ITPR2: variants seen among roughly 807,000 people sequenced by gnomAD.
The protein encoded by ITPR2 is inositol 1,4,5-trisphosphate-gated calcium channel ITPR2.
In ITPR2, 207 loss-of-function variants were observed where a neutral mutation model predicts 317.1. The ratio of observed to expected loss-of-function variants is 0.65; its 90% CI spans 0.58 to 0.73. The LOEUF (loss-of-function observed/expected upper bound fraction) is 0.73, where lower values mean the gene tolerates loss of function less well. ITPR2 is among the 30% of genes least tolerant of loss of function. ITPR2 has a pLI of 0.00. For synonymous variants in ITPR2, 1,156 were observed against 1,149.1 expected, an observed-to-expected ratio of 1.01 and a Z score of -0.12; for missense variants, 2,613 against 3,284.0, an observed-to-expected ratio of 0.80 and a Z score of 4.99.
At position 26,436,314 on chromosome 12, in the gene ITPR2, T is replaced by C; in HGVS notation, c.6676A>G (p.Ile2226Val). 6.2e-7 allele frequency: 1 copy of C among 1,612,624 alleles called. No homozygotes were observed. Among genetic ancestry groups the C allele is most frequent in the Non-Finnish European group, 8.5e-7 (1 of 1,179,326 alleles). The change falls in exon 48 of 57, where the codon ATC becomes GTC. Residue 2226 changes from isoleucine to valine, a missense_variant. This residue lies in a region of ITPR2 where 926 missense variants were observed against 1,072.8 expected (regional missense o/e 0.86). Transcript: ENST00000381340. The part of the protein sequence containing the change: ...NPALFWFSRH[I>V]SLWGSISFNL... Reference sequence around the variant, plus strand: ...AAGGAAATGCTCCCCCAGAGAGAGATGTGCCTCGAGAACCAGAACAGTGCA... The same window carrying C: ...AAGGAAATGCTCCCCCAGAGAGAGACGTGCCTCGAGAACCAGAACAGTGCA...
intron 2 of ITPR2, among the ~76,000 whole-genome samples, chr12:26,757,662 A>G (rs1949550541): frequency 6.6e-6 from 1 of 152,176 alleles, no homozygotes; most frequent in Admixed American, 6.5e-5. Context: ...GATATTTTCA[A>G]TTTGTGATAG....
intron 21 of ITPR2, among the ~76,000 whole-genome samples, chr12:26,649,773 CTAGATAGATAGATAGATAGATAGATAGA>C (rs71069259): frequency 6.8e-6 from 1 of 147,388 alleles, no homozygotes; most frequent in African/African-American, 2.5e-5. Context: ...GATAGATAGA[CTAGATAGATAGATAGATAGATAGATAGA>C]TAGATAGATA....
chr12:26,751,691 C>A (rs536632083), intron 2 of ITPR2, among the ~76,000 whole-genome samples: 1 of 151,998 alleles, frequency 6.6e-6, no homozygotes, highest in Non-Finnish European at 1.5e-5. Context: ...TATGGTGAAA[C>A]CCCGTCTCAA....
At chr12:26,679,180 C>G (rs566932227) in intron 13 of ITPR2, among the ~76,000 whole-genome samples, 1 of 152,278 alleles carries the variant, frequency 6.6e-6, no homozygotes, top group East Asian at 1.9e-4. Context: ...TTCATTTCCC[C>G]TAACAGGGTT....
intron 10 of ITPR2, among the ~76,000 whole-genome samples, chr12:26,695,320 A>C (rs1345601564): frequency 6.6e-6 from 1 of 152,172 alleles, no homozygotes; most frequent in Non-Finnish European, 1.5e-5. Context: ...AGAAGAAAAA[A>C]GGGTAAATAA....
chr12:26,606,508 C>T (rs1946131418), intron 26 of ITPR2, among the ~76,000 whole-genome samples: 1 of 144,532 alleles, frequency 6.9e-6, no homozygotes, highest in South Asian at 2.2e-4. Context: ...GGCAGAGAAA[C>T]AAAGAGTGAA....
intron 55 of ITPR2, among the ~76,000 whole-genome samples, chr12:26,351,685 C>A (rs1183922653): frequency 6.6e-6 from 1 of 152,130 alleles, no homozygotes; most frequent in African/African-American, 2.4e-5. Flanking sequence ...GGGACACCAG[C>A]AACCCAAGGT....
chr12:26,390,700 C>T (rs770041731), intron 54 of ITPR2, among the ~76,000 whole-genome samples: 7 of 152,070 alleles, frequency 4.6e-5, no homozygotes, highest in Non-Finnish European at 8.8e-5. Flanking sequence ...TACTAAAAAC[C>T]ACTGAATTGT....
intron 1 of ITPR2, among the ~76,000 whole-genome samples, chr12:26,796,879 C>T (rs867797133): frequency 1.3e-5 from 2 of 151,680 alleles, no homozygotes; most frequent in South Asian, 4.2e-4. Context: ...ACTAAAAATA[C>T]AAAAACAATC....
At chr12:26,364,136 C>T (rs4963664) in intron 55 of ITPR2, among the ~76,000 whole-genome samples, 148,506 of 152,198 alleles carry the variant, frequency 0.98, 72,568 homozygotes, top group Non-Finnish European at 1. Flanking sequence ...AAAAATATGG[C>T]GGGTCAGATA....
chr12:26,344,061 C>T (rs1316464594), intron 55 of ITPR2, among the ~76,000 whole-genome samples: 1 of 152,096 alleles, frequency 6.6e-6, no homozygotes, highest in Non-Finnish European at 1.5e-5. Flanking sequence ...CAAGTTTGGT[C>T]CTTTCTTGCT....
chr12:26,534,686 A>G (rs1230120596), intron 37 of ITPR2, among the ~76,000 whole-genome samples: 1 of 152,242 alleles, frequency 6.6e-6, no homozygotes, highest in Non-Finnish European at 1.5e-5. Context: ...TTGAACAGCT[A>G]GATTTAAGGA....
chr12:26,448,243 A>G (rs535627665), intron 45 of ITPR2, among the ~76,000 whole-genome samples: 1 of 152,074 alleles, frequency 6.6e-6, no homozygotes, highest in East Asian at 1.9e-4. Context: ...TGCTCCCAAC[A>G]GGACTTGAAA....
rs141580718 is a variant in ITPR2, at chr12:26,539,032, A to G, written c.5073+11215T>C. On this transcript the variant is annotated intron_variant, in intron 37 of 56. Transcript: ENST00000381340. ...GCAAACAGCTTCTCTAGATATGCCT[A>G]GTCAACAGCAGTTAAATAATAACAA... is the stretch of plus-strand genomic sequence containing the variant. Among the ~76,000 whole-genome samples the G allele has an allele frequency of 1.7e-3, 258 of 152,324 alleles. 1 individual carries two copies. Among genetic ancestry groups the G allele is most frequent in the African/African-American group, 5.9e-3 (246 of 41,566 alleles).
intron 39 of ITPR2, among the ~76,000 whole-genome samples, chr12:26,493,746 T>C (rs1332289331): frequency 6.6e-6 from 1 of 152,202 alleles, no homozygotes; most frequent in Non-Finnish European, 1.5e-5. Flanking sequence ...GGACAATGTC[T>C]GTCATCTGGG....
chr12:26,532,439 G>A (rs1396927464), intron 37 of ITPR2, among the ~76,000 whole-genome samples: 1 of 152,104 alleles, frequency 6.6e-6, no homozygotes, highest in African/African-American at 2.4e-5. Flanking sequence ...GGAGTGCAAT[G>A]GCACAATCAT....
At chr12:26,548,662 G>T (rs1022468489) in intron 37 of ITPR2, among the ~76,000 whole-genome samples, 1 of 152,124 alleles carries the variant, frequency 6.6e-6, no homozygotes, top group African/African-American at 2.4e-5. Flanking sequence ...TGTGCTGGGG[G>T]TGTCCTTTAC....
intron 1 of ITPR2, among the ~76,000 whole-genome samples, chr12:26,804,955 G>C (rs112306273): frequency 1.4e-4 from 21 of 152,014 alleles, no homozygotes; most frequent in Non-Finnish European, 2.8e-4. Flanking sequence ...GGCTGGTCTT[G>C]AACTCCTGGG....
chr12:26,651,016 T>G (rs7969023), intron 21 of ITPR2, among the ~76,000 whole-genome samples: 1 of 152,016 alleles, frequency 6.6e-6, no homozygotes, highest in African/African-American at 2.4e-5. Flanking sequence ...CTTTCGTGGT[T>G]CCTCTCTGAA....
Sources: gnomAD v4.1 joint callset for allele counts (sites outside exome capture counted in the v4.1 genomes callset) on GRCh38, gnomAD v4.1.1 for gene constraint, gnomAD v4.1.1 regional missense constraint, MANE v1.5 for transcripts, NCBI Gene and HGNC (gene_info 2026-07-23, HGNC 2026-07-21) for gene names.